Variants in TECTA observed in about 807,000 individuals in gnomAD.
The protein encoded by TECTA is alpha-tectorin.
TECTA carries 128 observed loss-of-function variants against 216.8 expected under a neutral mutation model. The ratio of observed to expected loss-of-function variants is 0.59; its 90% CI spans 0.51 to 0.68. TECTA has a LOEUF of 0.68. Ranked by LOEUF, TECTA falls within the 30% of genes least tolerant of loss-of-function variation. The pLI, the probability that TECTA is intolerant of heterozygous loss-of-function variation, is 0.00. For synonymous variants in TECTA, 1,089 were observed against 1,117.1 expected (o/e 0.97, Z 0.50); for missense variants, 2,551 against 2,786.2 (o/e 0.92, Z 1.90).
chr11:121,158,046 G>A lies in TECTA; in HGVS notation c.4511G>A (p.Arg1504His). The A allele has an allele frequency of 1.9e-6, 3 of 1,613,438 alleles. No individual in the cohort carries two copies. The highest frequency in any genetic ancestry group is 2.5e-6 in the Non-Finnish European group (3 of 1,179,972). ...CGCACCTTCGACGGCGCCTTCCTGC[G>A]CTTCCCAGCCAACTGCGCCTTCGTG... ...VFRTFDGAFLRFPANCAFVLS... is the reference protein window; with the variant it reads ...VFRTFDGAFLHFPANCAFVLS... The change falls in exon 14 of 24, where the codon CGC becomes CAC. Residue 1504 changes from arginine (R) to histidine (H), a missense_variant. Physicochemically the swap from Arg to His is conservative, Grantham distance 29. This residue lies in a region of TECTA where 2,375 missense variants were observed against 2,563.9 expected (regional missense o/e 0.93). Transcript: ENST00000392793.
At position 121,129,937 on chromosome 11, in the gene TECTA, T is replaced by C; in HGVS notation, c.2667T>C (p.Cys889=). The change falls in exon 10 of 24, where the codon TGT becomes TGC. Residue 889 remains cysteine, a synonymous_variant. Coordinates refer to ENST00000392793, the MANE Select transcript of TECTA (RefSeq NM_005422.4). ...TTFEEICNGE[C]GDLLKACNND... is the part of the protein sequence containing the mutation. Reference sequence around the variant, plus strand: ...TCGAGGAGATCTGCAATGGAGAGTGTGGGGACCTGCTGAAGGCCTGCAACA... The same window carrying C: ...TCGAGGAGATCTGCAATGGAGAGTGCGGGGACCTGCTGAAGGCCTGCAACA... 1.2e-6 allele frequency: 2 copies of C among 1,610,640 alleles called. No homozygotes were observed. The highest frequency in any genetic ancestry group is 1.1e-5 in the South Asian group (1 of 90,762).
At chr11:121,147,931 G>T (rs1249491113) in intron 12 of TECTA, among the ~76,000 whole-genome samples, 1 of 152,154 alleles carries the variant, frequency 6.6e-6, no homozygotes, top group Non-Finnish European at 1.5e-5. Context: ...TGTCACTCAT[G>T]GGAAGGAAAA....
chr11:121,105,838 C>T lies in TECTA; in HGVS notation c.72C>T (p.Pro24=). Residue 24 remains proline, a synonymous_variant, in exon 3 of 24, where the codon CCC becomes CCT. Transcript: ENST00000392793. This position sits in a 1 kb window ranked among gnomAD's most constrained non-coding sequence, Gnocchi z 5.3. ...IFALVQHQAQ[P]RELMYPFWQN... is the part of the protein sequence containing the mutation. ...CATCATCTCTCTTGACAGCTCAGCC[C>T]AGGGAGCTCATGTATCCATTTTGGC... 6.2e-7 allele frequency: 1 copy of T among 1,614,156 alleles called. No individual in the cohort carries two copies. Among genetic ancestry groups the T allele is most frequent in the Non-Finnish European group, 8.5e-7 (1 of 1,180,022 alleles).
intron 20 of TECTA, among the ~76,000 whole-genome samples, chr11:121,171,352 G>A (rs1431532868): frequency 6.6e-6 from 1 of 152,148 alleles, no homozygotes; most frequent in Non-Finnish European, 1.5e-5. Context: ...TAAAAGTCAG[G>A]TAGTGTGATG....
At position 121,125,675 on chromosome 11, in the gene TECTA, T is replaced by A. The variant is rs1345212250; in HGVS notation, c.1577T>A (p.Phe526Tyr). The change falls in exon 8 of 24, where the codon TTC becomes TAC. Residue 526 changes from phenylalanine to tyrosine, a missense_variant. This residue lies in a region of TECTA where 2,375 missense variants were observed against 2,563.9 expected (regional missense o/e 0.93). Coordinates refer to ENST00000392793, the MANE Select transcript of TECTA (RefSeq NM_005422.4). ...TACTTTGGCTCTGACTACTGCGGCT[T>A]CCTCAACAAGACAGACGGCCCTCTG... Reference protein sequence around the residue: ...ALYFGSDYCGFLNKTDGPLWE... With the variant: ...ALYFGSDYCGYLNKTDGPLWE... 4 of 1,610,222 alleles carry A rather than the reference T, an allele frequency of 2.5e-6. No homozygotes were observed. In the African/African-American group the frequency reaches 5.3e-5, roughly 22 times the overall value.
In TECTA at chr11:121,128,012, G is replaced by A. The variant is rs564301291; in HGVS notation, c.2035G>A (p.Glu679Lys). 9 of 1,613,834 alleles carry A rather than the reference G, an allele frequency of 5.6e-6. No homozygotes were observed. The East Asian group carries it at 1.1e-4, about 20-fold the overall frequency. Residue 679 changes from glutamate (E) to lysine (K), a missense_variant, in exon 9 of 24, where the codon GAG becomes AAG. This residue lies in a region of TECTA where 2,375 missense variants were observed against 2,563.9 expected (regional missense o/e 0.93). Transcript: ENST00000392793. ...CTGCACTGTGCAATGCCTGTGCGAG[G>A]AGGGCGGGGACGTCTACTGCTTCAA... ...ANCTVQCLCE[E>K]GGDVYCFNKT...
intron 3 of TECTA, 53 bp from the exon 4 acceptor site, chr11:121,109,158 T>TGAA: frequency 6.2e-7 from 1 of 1,602,532 alleles, no homozygotes; most frequent in Admixed American, 1.7e-5. Context: ...TTTGTGACTC[T>TGAA]GAAGTTGTTA....
Position 121,145,685 on chromosome 11 carries a change from T to C in TECTA, c.3674T>C (p.Leu1225Pro). The C allele has an allele frequency of 1.2e-6, 2 of 1,614,274 alleles. No homozygotes were observed. Among genetic ancestry groups the C allele is most frequent in the South Asian group, 1.1e-5 (1 of 91,090 alleles). Reference protein sequence around the residue: ...LKVVYDWKTFLSITVPRSMQN... With the variant: ...LKVVYDWKTFPSITVPRSMQN... The stretch of plus-strand genomic sequence containing the variant: ...GTTGTATATGACTGGAAGACCTTCC[T>C]GTCCATCACAGTCCCTCGGAGCATG... The change falls in exon 12 of 24, where the codon CTG becomes CCG. Residue 1225 changes from leucine (L) to proline (P), a missense_variant. By Grantham distance (98) the Leu-to-Pro change is moderately conservative (BLOSUM62 -3). Transcript: ENST00000392793.
At position 121,191,001 on chromosome 11, in the gene TECTA, T is replaced by A. The variant is rs150094931; in HGVS notation, c.*195T>A. Reference sequence around the variant, plus strand: ...CCTCTTTCAGAGTATGAAACGGGGCTTCTACAAGCCAGTTATGGAAAGTAT... The same window carrying A: ...CCTCTTTCAGAGTATGAAACGGGGCATCTACAAGCCAGTTATGGAAAGTAT... On this transcript the variant is annotated 3_prime_UTR_variant, in exon 24 of 24. Transcript: ENST00000392793. The A allele has an allele frequency of 1.2e-3, 625 of 526,398 alleles. 3 individuals carry two copies. The highest frequency in any genetic ancestry group is 8.5e-3 in the African/African-American group (444 of 52,014). 32.6% of individuals were successfully genotyped at this position (526,398 alleles called of 1,614,324 possible). A position where few individuals can be genotyped will look rare whatever the true frequency, so the allele number is the denominator to read the frequency against.
In TECTA at chr11:121,129,839, A is replaced by G. The variant is rs1946653614; in HGVS notation, c.2569A>G (p.Ser857Gly). ...GLCGFYNANA[S>G]DEFCLPNGKC... ...GTGCGGCTTCTACAATGCCAACGCC[A>G]GTGACGAGTTCTGTCTCCCCAACGG... Residue 857 changes from serine to glycine, a missense_variant, in exon 10 of 24, where the codon AGT becomes GGT. Around this residue, in one of 3 missense-constraint regions of TECTA, gnomAD observed 2,375 missense variants for 2,563.9 expected, o/e 0.93. Transcript: ENST00000392793. 1.2e-6 allele frequency: 2 copies of G among 1,614,214 alleles called. No homozygotes were observed. The highest frequency in any genetic ancestry group is 1.1e-5 in the South Asian group (1 of 91,086).
intron 13 of TECTA, among the ~76,000 whole-genome samples, chr11:121,154,003 C>T (rs999073392): frequency 6.6e-5 from 10 of 152,182 alleles, no homozygotes; most frequent in African/African-American, 2.4e-4. Flanking sequence ...AAAGCACGTC[C>T]TCTGCCTTGA....
Position 121,158,029 on chromosome 11 carries a change from C to A in TECTA, c.4494C>A (p.Phe1498Leu), listed in dbSNP as rs374996667. 19 of 1,613,158 alleles carry A rather than the reference C, an allele frequency of 1.2e-5. No homozygotes were observed. The highest frequency in any genetic ancestry group is 1.5e-5 in the Non-Finnish European group (18 of 1,179,940). ...LAAGGGVFRT[F>L]DGAFLRFPAN... Reference sequence around the variant, plus strand: ...CCGGCGGCGGCGTCTTCCGCACCTTCGACGGCGCCTTCCTGCGCTTCCCAG... The same window carrying A: ...CCGGCGGCGGCGTCTTCCGCACCTTAGACGGCGCCTTCCTGCGCTTCCCAG... The change falls in exon 14 of 24, where the codon TTC (phenylalanine) becomes TTA (leucine). Residue 1498 changes from phenylalanine (F) to leucine (L), a missense_variant. By Grantham distance (22) the Phe-to-Leu change is conservative (BLOSUM62 0). This residue lies in a region of TECTA where 2,375 missense variants were observed against 2,563.9 expected (regional missense o/e 0.93). Coordinates refer to ENST00000392793, the MANE Select transcript of TECTA (RefSeq NM_005422.4).
intron 15 of TECTA, 93 bp downstream of exon 15, chr11:121,160,514 A>G: frequency 1.3e-6 from 2 of 1,533,352 alleles, no homozygotes; most frequent in South Asian, 1.1e-5. Flanking sequence ...TTTCCTTAGC[A>G]CTGCCCCTGC....
Position 121,118,601 on chromosome 11 carries a change from T to C in TECTA, c.1086T>C (p.Ser362=), listed in dbSNP as rs1249566734. 6.2e-7 allele frequency: 1 copy of C among 1,614,110 alleles called. No individual in the cohort carries two copies. Among genetic ancestry groups the C allele is most frequent in the East Asian group, 2.2e-5 (1 of 44,878 alleles). Residue 362 remains serine, a synonymous_variant, in exon 7 of 24, where the codon AGT becomes AGC. Coordinates refer to ENST00000392793, the MANE Select transcript of TECTA (RefSeq NM_005422.4). Reference sequence around the variant, plus strand: ...AGACTTCCAGCCTCCCTTTCTTCAGTGTGGAGGCCAAGAATGAACACCGCA... The same window carrying C: ...AGACTTCCAGCCTCCCTTTCTTCAGCGTGGAGGCCAAGAATGAACACCGCA... The part of the protein sequence containing the change: ...CLQTSSLPFF[S]VEAKNEHRRG...
At position 121,125,375 on chromosome 11, in the gene TECTA, C is replaced by T; in HGVS notation, c.1277C>T (p.Ser426Phe). The change falls in exon 8 of 24, where the codon TCT becomes TTT. Residue 426 changes from serine (S) to phenylalanine (F), a missense_variant. By Grantham distance (155) the Ser-to-Phe change is radical. Coordinates refer to ENST00000392793, the MANE Select transcript of TECTA (RefSeq NM_005422.4). ...GTVKIYQSGI[S>F]TAVETDFGLL... ...GTGAAAATCTACCAGAGTGGCATATCTACTGCCGTGGAAACAGATTTTGGG... is the reference window on the plus strand; with the variant it reads ...GTGAAAATCTACCAGAGTGGCATATTTACTGCCGTGGAAACAGATTTTGGG... The T allele has an allele frequency of 6.2e-7, 1 of 1,614,240 alleles. No homozygotes were observed. The highest frequency in any genetic ancestry group is 8.5e-7 in the Non-Finnish European group (1 of 1,180,056).
intron 16 of TECTA, among the ~76,000 whole-genome samples, chr11:121,162,662 G>A (rs970247831): frequency 7.2e-5 from 11 of 152,188 alleles, no homozygotes; most frequent in African/African-American, 2.7e-4. Flanking sequence ...ATGAGGTAGA[G>A]GGACACAGTG....
At chr11:121,133,368 A>G (rs1250730652) in intron 10 of TECTA, among the ~76,000 whole-genome samples, 1 of 152,156 alleles carries the variant, frequency 6.6e-6, no homozygotes, top group African/African-American at 2.4e-5. Context: ...TTTCAACCTT[A>G]GGAAATTTAA....
chr11:121,172,337 G>T (rs981380826), intron 20 of TECTA, among the ~76,000 whole-genome samples: 6 of 151,168 alleles, frequency 4.0e-5, no homozygotes, highest in African/African-American at 1.5e-4. Flanking sequence ...ATCCCTCCCC[G>T]CTCTCCCCAC....
rs373655409 is a variant in TECTA, at chr11:121,146,020, G to A, written c.4009G>A (p.Ala1337Thr). 38 of 1,613,902 alleles carry A rather than the reference G, an allele frequency of 2.4e-5. No homozygotes were observed. The highest frequency in any genetic ancestry group is 1.3e-4 in the African/African-American group (10 of 74,938). The change falls in exon 12 of 24, where the codon GCG (alanine) becomes ACG (threonine). Residue 1337 changes from alanine to threonine, a missense_variant. Physicochemically the swap from Ala to Thr is moderately conservative, Grantham distance 58. Transcript: ENST00000392793. ...CLFDSCIDGG[A>T]VQTACSWLQN... ...GTTTGACTCTTGCATCGATGGGGGC[G>A]CGGTGCAGACCGCCTGCAGCTGGCT... is the stretch of plus-strand genomic sequence containing the variant.
Sources: allele counts gnomAD v4.1 joint callset (sites outside exome capture counted in the v4.1 genomes callset), GRCh38; gene constraint gnomAD v4.1.1; regional missense constraint gnomAD v4.1.1; non-coding constraint Gnocchi (gnomAD v3.1); transcripts MANE v1.5; gene names NCBI Gene and HGNC (gene_info 2026-07-23, HGNC 2026-07-21).